EDAR: variants seen among roughly 807,000 people sequenced by gnomAD.
The protein encoded by EDAR is tumor necrosis factor receptor superfamily member EDAR.
Under a neutral mutation model 51.3 loss-of-function variants are expected in EDAR, and 38 were observed. The ratio of observed to expected loss-of-function variants is 0.74; its 90% CI spans 0.57 to 0.97. The LOEUF (loss-of-function observed/expected upper bound fraction) is 0.97, where lower values mean the gene tolerates loss of function less well. EDAR is among the 50% of genes least tolerant of loss of function. The probability of loss-of-function intolerance (pLI) is 0.00; values close to 1 mark genes in which losing one functional copy is unlikely to be tolerated. For synonymous variants in EDAR, 227 were observed against 242.1 expected, an observed-to-expected ratio of 0.94 and a Z score of 0.58; for missense variants, 528 against 595.0, an observed-to-expected ratio of 0.89 and a Z score of 1.17.
intron 1 of EDAR, among the ~76,000 whole-genome samples, chr2:108,938,203 A>G (rs538218842): frequency 6.6e-6 from 1 of 152,308 alleles, no homozygotes; most frequent in East Asian, 1.9e-4. Context: ...ATTTGACTCA[A>G]CTTTTTCCGC....
At chr2:108,982,357 C>A (rs1186019987) in intron 1 of EDAR, among the ~76,000 whole-genome samples, 2 of 152,222 alleles carry the variant, frequency 1.3e-5, no homozygotes, top group East Asian at 3.9e-4. Flanking sequence ...GGCTGTCCTG[C>A]CACCAAAGGC....
intron 1 of EDAR, among the ~76,000 whole-genome samples, chr2:108,985,829 G>A (rs1468748625): frequency 2.0e-5 from 3 of 152,208 alleles, no homozygotes; most frequent in East Asian, 1.9e-4. Context: ...GGAACAATTG[G>A]TGACCTTTCT....
intron 1 of EDAR, among the ~76,000 whole-genome samples, chr2:108,967,989 A>G (rs1698176091): frequency 6.6e-6 from 1 of 152,192 alleles, no homozygotes; most frequent in Non-Finnish European, 1.5e-5. Context: ...CACACAGAAC[A>G]GGACGCGTGG....
intron 1 of EDAR, among the ~76,000 whole-genome samples, chr2:108,950,170 T>G (rs375907795): frequency 6.6e-6 from 1 of 152,104 alleles, no homozygotes; most frequent in East Asian, 1.9e-4. Flanking sequence ...CCATCTAAGA[T>G]GTCATGTCTT....
chr2:108,945,925 C>T (rs2105483303), intron 1 of EDAR, among the ~76,000 whole-genome samples: 1 of 152,224 alleles, frequency 6.6e-6, no homozygotes, highest in South Asian at 2.1e-4. Flanking sequence ...CATGAAGATG[C>T]CTATTCTATC....
chr2:108,984,082 G>A (rs1226846283), intron 1 of EDAR, among the ~76,000 whole-genome samples: 1 of 152,178 alleles, frequency 6.6e-6, no homozygotes, highest in East Asian at 1.9e-4. Context: ...GTGTAATCAT[G>A]TGTTTCAGGT....
At chr2:108,973,357 C>G (rs1698267953) in intron 1 of EDAR, among the ~76,000 whole-genome samples, 1 of 152,208 alleles carries the variant, frequency 6.6e-6, no homozygotes, top group Admixed American at 6.5e-5. Context: ...ACTCAGGGGG[C>G]TGGCTAGGGC....
intron 1 of EDAR, among the ~76,000 whole-genome samples, chr2:108,988,065 G>A (rs1698526051): frequency 6.6e-6 from 1 of 152,206 alleles, no homozygotes; most frequent in African/African-American, 2.4e-5. Flanking sequence ...AGAGGACGGT[G>A]GTGCTCCTGT....
intron 1 of EDAR, among the ~76,000 whole-genome samples, chr2:108,970,900 T>A (rs530899685): frequency 6.6e-6 from 1 of 152,180 alleles, no homozygotes; most frequent in South Asian, 2.1e-4. Context: ...AGTGATAGAT[T>A]TGCTAATTCT....
chr2:108,904,544 G>A (rs115528484), intron 11 of EDAR, among the ~76,000 whole-genome samples: 2,157 of 151,580 alleles, frequency 0.014, 18 homozygotes, highest in Non-Finnish European at 0.021. Context: ...CATAATAGCC[G>A]TTAAGTGGAA....
intron 1 of EDAR, among the ~76,000 whole-genome samples, chr2:108,943,177 G>A (rs753738662): frequency 4.6e-5 from 7 of 152,064 alleles, no homozygotes; most frequent in Non-Finnish European, 1.0e-4. Context: ...AAGAGAATTC[G>A]TTTCTTCGTC....
At chr2:108,973,249 A>G (rs189217977) in intron 1 of EDAR, among the ~76,000 whole-genome samples, 58 of 152,258 alleles carry the variant, frequency 3.8e-4, no homozygotes, top group African/African-American at 1.4e-3. Context: ...CGGCCTCCCA[A>G]AGTTCTGGGA....
intron 1 of EDAR, among the ~76,000 whole-genome samples, chr2:108,967,161 C>T (rs1327454292): frequency 6.6e-6 from 1 of 152,162 alleles, no homozygotes; most frequent in Non-Finnish European, 1.5e-5. Context: ...TTTTGAACTC[C>T]TGCCCTCAAC....
intron 1 of EDAR, among the ~76,000 whole-genome samples, chr2:108,984,298 C>T (rs1041536429): frequency 2.0e-5 from 3 of 152,118 alleles, no homozygotes; most frequent in Non-Finnish European, 4.4e-5. Flanking sequence ...CAGCAACCGG[C>T]GTGGCATGGG....
chr2:108,897,250 A>G, intron 11 of EDAR, 21 bp from the exon 12 acceptor site: 1 of 1,605,954 alleles, frequency 6.2e-7, no homozygotes, highest in Non-Finnish European at 8.5e-7. Flanking sequence ...CAATGGCCAC[A>G]GTTAGATGTT....
At chr2:108,899,797 C>A (rs1036572291) in intron 11 of EDAR, among the ~76,000 whole-genome samples, 9 of 151,886 alleles carry the variant, frequency 5.9e-5, no homozygotes, top group Admixed American at 5.2e-4. Flanking sequence ...ACTAGCCTGG[C>A]CAACATGGTG....
intron 11 of EDAR, among the ~76,000 whole-genome samples, chr2:108,902,365 G>C (rs1696716448): frequency 6.6e-6 from 1 of 152,216 alleles, no homozygotes; most frequent in East Asian, 1.9e-4. Context: ...GACATAGCGA[G>C]ACTCCATCTC....
intron 1 of EDAR, among the ~76,000 whole-genome samples, chr2:108,967,443 C>G (rs1698166591): frequency 6.6e-6 from 1 of 152,136 alleles, no homozygotes; most frequent in Admixed American, 6.5e-5. Flanking sequence ...GAAGGGGAAG[C>G]CTGCTGTTCT....
intron 1 of EDAR, among the ~76,000 whole-genome samples, chr2:108,936,500 G>A (rs150891833): frequency 1.3e-5 from 2 of 152,044 alleles, no homozygotes; most frequent in Non-Finnish European, 2.9e-5. Flanking sequence ...CCCACCCAGC[G>A]CTACTCTCCT....
Sources: gnomAD v4.1 joint callset for allele counts (sites outside exome capture counted in the v4.1 genomes callset) on GRCh38, gnomAD v4.1.1 for gene constraint, MANE v1.5 for transcripts, NCBI Gene and HGNC (gene_info 2026-07-23, HGNC 2026-07-21) for gene names.